Variants in PCGF5 observed in about 807,000 individuals in gnomAD.
PCGF5 encodes polycomb group RING finger protein 5.
Under a neutral mutation model 44.3 loss-of-function variants are expected in PCGF5, and 9 were observed. The ratio of observed to expected loss-of-function variants is 0.20; its 90% confidence interval spans 0.12 to 0.35. PCGF5 has a LOEUF of 0.35. PCGF5 is among the 10% of genes least tolerant of loss of function. The probability of loss-of-function intolerance (pLI) is 1.00; values close to 1 mark genes in which losing one functional copy is unlikely to be tolerated. For synonymous variants in PCGF5, 95 were observed against 102.5 expected (o/e 0.93, Z 0.44); for missense variants, 146 against 305.3 (o/e 0.48, Z 3.89).
At chr10:91,199,070 C>G (rs945653102) in intron 1 of PCGF5, among the ~76,000 whole-genome samples, 1 of 152,208 alleles carries the variant, frequency 6.6e-6, no homozygotes, top group African/African-American at 2.4e-5. Context: ...TTGTATCTGT[C>G]TCTCCCATTT....
intron 6 of PCGF5, among the ~76,000 whole-genome samples, chr10:91,255,185 G>A (rs1589399920): frequency 6.6e-6 from 1 of 152,148 alleles, no homozygotes; most frequent in South Asian, 2.1e-4. Flanking sequence ...TGGGGGAAAG[G>A]GGCATTTGTC....
At chr10:91,247,171 G>T (rs991676117) in intron 3 of PCGF5, among the ~76,000 whole-genome samples, 7 of 151,798 alleles carry the variant, frequency 4.6e-5, no homozygotes, top group African/African-American at 1.5e-4. Flanking sequence ...AATAAAGAAA[G>T]AACAGACTTG....
chr10:91,189,228 C>G (rs1459842471), intron 1 of PCGF5, among the ~76,000 whole-genome samples: 1 of 152,244 alleles, frequency 6.6e-6, no homozygotes, highest in African/African-American at 2.4e-5. Context: ...ATAATTTTCT[C>G]CTTTTTCCAG....
At chr10:91,193,903 T>C (rs1268572342) in intron 1 of PCGF5, among the ~76,000 whole-genome samples, 1 of 152,244 alleles carries the variant, frequency 6.6e-6, no homozygotes, top group African/African-American at 2.4e-5. Flanking sequence ...ATTCTAGATA[T>C]GTGTTAAAGA....
At chr10:91,166,177 T>C (rs1252037342) in intron 1 of PCGF5, among the ~76,000 whole-genome samples, 1 of 152,152 alleles carries the variant, frequency 6.6e-6, no homozygotes, top group East Asian at 1.9e-4. Context: ...CATAAAGAGC[T>C]TAAGTGGTTG....
At chr10:91,216,963 A>G (rs1392631575), upstream of PCGF5, among the ~76,000 whole-genome samples, 1 of 152,210 alleles carries the variant, frequency 6.6e-6, no homozygotes, top group East Asian at 1.9e-4. Context: ...AGAGTAGTTT[A>G]TATGTTAAAG....
At chr10:91,256,664 A>G (rs1472711722) in intron 6 of PCGF5, among the ~76,000 whole-genome samples, 1 of 152,128 alleles carries the variant, frequency 6.6e-6, no homozygotes, top group Non-Finnish European at 1.5e-5. Context: ...CTATTCAAAG[A>G]CAAAGAGAGA....
At chr10:91,215,332 C>T (rs944834559), upstream of PCGF5, among the ~76,000 whole-genome samples, 11 of 152,202 alleles carry the variant, frequency 7.2e-5, no homozygotes, top group African/African-American at 9.7e-5. Flanking sequence ...GAACAGACCT[C>T]GGCCTTGGTG....
chr10:91,222,039 T>C lies in PCGF5; in HGVS notation c.-183-650T>C, dbSNP rs547216980. Reference sequence around the variant, plus strand: ...GTGGGAGAGGAGTGATCCCTTCAGGTTGAAGAAAGTTGTTGAAGGGTATAT... The same window carrying C: ...GTGGGAGAGGAGTGATCCCTTCAGGCTGAAGAAAGTTGTTGAAGGGTATAT... On this transcript the variant is annotated intron_variant, in intron 1 of 9. Transcript: ENST00000336126. Among the ~76,000 whole-genome samples, 6 of 152,164 alleles carry C rather than the reference T, an allele frequency of 3.9e-5. No homozygotes were observed. In the East Asian group the frequency reaches 1.2e-3, roughly 29 times the overall value.
intron 1 of PCGF5, among the ~76,000 whole-genome samples, chr10:91,194,426 A>G (rs1844089997): frequency 6.6e-6 from 1 of 152,148 alleles, no homozygotes; most frequent in African/African-American, 2.4e-5. Flanking sequence ...CTGGCCAAGG[A>G]ATGTGGGTGG....
At chr10:91,266,975 C>T (rs1846061329) in intron 8 of PCGF5, among the ~76,000 whole-genome samples, 1 of 152,170 alleles carries the variant, frequency 6.6e-6, no homozygotes, top group Non-Finnish European at 1.5e-5. Flanking sequence ...CCTCTTAGGA[C>T]AGGTTAGAAC....
intron 2 of PCGF5, among the ~76,000 whole-genome samples, chr10:91,233,838 A>G (rs531488571): frequency 6.6e-6 from 1 of 152,256 alleles, no homozygotes; most frequent in Non-Finnish European, 1.5e-5. Context: ...AAGAAAAAAT[A>G]TGCATCTAAG....
At chr10:91,184,706 A>G (rs1375712433) in intron 1 of PCGF5, among the ~76,000 whole-genome samples, 1 of 150,670 alleles carries the variant, frequency 6.6e-6, no homozygotes, top group African/African-American at 2.4e-5. Context: ...TACCTTCAGT[A>G]TTTGAGGTTG....
intron 2 of PCGF5, among the ~76,000 whole-genome samples, chr10:91,224,832 T>C (rs1158644227): frequency 5.3e-5 from 8 of 152,176 alleles, no homozygotes; most frequent in Admixed American, 3.3e-4. Context: ...GTGGTTGTAT[T>C]GTGGACATAC....
Position 91,171,542 on chromosome 10 carries a change from TGTGA to T in PCGF5, c.-184+8464_-184+8467del, listed in dbSNP as rs149355551. Among the ~76,000 whole-genome samples, 963 of 152,256 alleles carry T rather than the reference TGTGA, an allele frequency of 6.3e-3. 13 individuals are homozygous for T. The highest frequency in any genetic ancestry group is 0.021 in the African/African-American group (890 of 41,550). On this transcript the variant is annotated intron_variant, in intron 1 of 9. Coordinates refer to the PCGF5 transcript ENST00000614189. ...CTCAGAAAATTGGAAGTAGAGATGC[TGTGA>T]GTATCACTGAAACTGCCAACTCCAT...
At chr10:91,161,455 C>T (rs1843380960), upstream of PCGF5, among the ~76,000 whole-genome samples, 1 of 151,972 alleles carries the variant, frequency 6.6e-6, no homozygotes, top group Non-Finnish European at 1.5e-5. Flanking sequence ...CAGACAGCGA[C>T]AAACCCACAC....
chr10:91,189,546 A>C (rs1044177163), intron 1 of PCGF5, among the ~76,000 whole-genome samples: 6 of 152,230 alleles, frequency 3.9e-5, no homozygotes, highest in Non-Finnish European at 8.8e-5. Context: ...GTATTGCTTT[A>C]ATTTCTATTC....
intron 1 of PCGF5, among the ~76,000 whole-genome samples, chr10:91,192,821 G>A (rs1276152787): frequency 1.3e-5 from 2 of 152,126 alleles, no homozygotes; most frequent in Admixed American, 6.5e-5. Flanking sequence ...AAATACCATG[G>A]TCAGGAAAGG....
At chr10:91,230,367 A>T (rs1350864224) in intron 2 of PCGF5, among the ~76,000 whole-genome samples, 1 of 152,210 alleles carries the variant, frequency 6.6e-6, no homozygotes, top group East Asian at 1.9e-4. Flanking sequence ...ATAAACAATT[A>T]GTCTAACTTT....
Sources: gnomAD v4.1 joint callset for allele counts (sites outside exome capture counted in the v4.1 genomes callset) on GRCh38, gnomAD v4.1.1 for gene constraint, MANE v1.5 for transcripts, NCBI Gene and HGNC (gene_info 2026-07-23, HGNC 2026-07-21) for gene names.